The following FAM171A1 variants were observed in gnomAD, a reference collection of about 807,000 sequenced individuals.
The protein encoded by FAM171A1 is family with sequence similarity 171 member A1.
A neutral mutation model predicts 74.9 loss-of-function variants in FAM171A1; 23 were observed. The observed-to-expected ratio is 0.31, with a 90% CI of 0.22 to 0.44. FAM171A1 has a LOEUF of 0.44. FAM171A1 is among the 20% of genes least tolerant of loss of function. The pLI, the probability that FAM171A1 is intolerant of heterozygous loss-of-function variation, is 1.00. For missense variants in FAM171A1, 1,162 were observed against 1,159.2 expected (o/e 1.00, Z -0.03); for synonymous variants, 527 against 505.7 (o/e 1.04, Z -0.57).
At chr10:15,229,609 T>C (rs569530176) in intron 5 of FAM171A1, among the ~76,000 whole-genome samples, 6 of 112,240 alleles carry the variant, frequency 5.3e-5, no homozygotes, top group South Asian at 2.9e-4. Flanking sequence ...ACCATCACCA[T>C]CATCACCATT....
chr10:15,255,289 C>T (rs1035698506), intron 3 of FAM171A1, among the ~76,000 whole-genome samples: 3 of 152,130 alleles, frequency 2.0e-5, no homozygotes, highest in African/African-American at 4.8e-5. Context: ...GCTGCAAACC[C>T]GTCTTTAATC....
chr10:15,230,793 A>G (rs750782446), intron 5 of FAM171A1, among the ~76,000 whole-genome samples: 1 of 152,262 alleles, frequency 6.6e-6, no homozygotes, highest in African/African-American at 2.4e-5. Context: ...AGGATACATA[A>G]TAGCATTAAT....
chr10:15,298,046 CAG>C (rs1379094327), intron 1 of FAM171A1, among the ~76,000 whole-genome samples: 1 of 152,154 alleles, frequency 6.6e-6, no homozygotes, highest in Non-Finnish European at 1.5e-5. Flanking sequence ...GCAAAATTAA[CAG>C]AATCTTCCTA....
intron 1 of FAM171A1, among the ~76,000 whole-genome samples, chr10:15,334,231 T>C (rs181384965): frequency 6.8e-4 from 103 of 152,252 alleles, no homozygotes; most frequent in African/African-American, 2.0e-3. Context: ...AAATGAGAAA[T>C]AGAAAAACAG....
At chr10:15,262,774 T>C (rs181574331) in intron 3 of FAM171A1, among the ~76,000 whole-genome samples, 83 of 152,224 alleles carry the variant, frequency 5.5e-4, no homozygotes, top group African/African-American at 2.0e-3. Context: ...AGGCTCAGCA[T>C]AAATCCAGGG....
At chr10:15,264,262 G>A (rs1326890555) in intron 3 of FAM171A1, among the ~76,000 whole-genome samples, 5 of 152,192 alleles carry the variant, frequency 3.3e-5, no homozygotes, top group Non-Finnish European at 7.3e-5. Context: ...GATTACAGGT[G>A]TGAGCCACTG....
intron 1 of FAM171A1, among the ~76,000 whole-genome samples, chr10:15,360,956 A>G (rs1437244875): frequency 6.6e-6 from 1 of 152,164 alleles, no homozygotes; most frequent in Admixed American, 6.5e-5. Context: ...AACCCATTCT[A>G]TGCTGCAACT....
At chr10:15,273,349 T>C (rs2131796741) in intron 3 of FAM171A1, among the ~76,000 whole-genome samples, 1 of 152,266 alleles carries the variant, frequency 6.6e-6, no homozygotes, top group Admixed American at 6.5e-5. Flanking sequence ...CACGAAGAAG[T>C]TGAATCCCTG....
chr10:15,271,318 GAA>G (rs1834822130), intron 3 of FAM171A1, among the ~76,000 whole-genome samples: 1 of 152,142 alleles, frequency 6.6e-6, no homozygotes, highest in Non-Finnish European at 1.5e-5. Flanking sequence ...AATAAAGCGA[GAA>G]GAGAAGTTTA....
chr10:15,238,220 T>A (rs144956216), intron 5 of FAM171A1, among the ~76,000 whole-genome samples: 1 of 152,214 alleles, frequency 6.6e-6, no homozygotes, highest in Non-Finnish European at 1.5e-5. Context: ...TGGCTTGTGA[T>A]ATATAGAGAC....
Position 15,279,616 on chromosome 10 carries a change from T to C in FAM171A1, c.326-3669A>G, listed in dbSNP as rs1434313481. The stretch of plus-strand genomic sequence containing the variant: ...CGCAGAAAACAGTCCAGCTGGGCTT[T>C]ATGGGATAAAAGAAGTTTGCCGGCC... On this transcript the variant is annotated intron_variant, in intron 2 of 7. Transcript: ENST00000378116. 3.9e-5 allele frequency among the ~76,000 whole-genome samples: 6 copies of C among 152,132 alleles called. No individual in the cohort carries two copies. In the East Asian group the frequency reaches 1.2e-3, roughly 29 times the overall value.
At chr10:15,278,271 G>A (rs530042657) in intron 2 of FAM171A1, among the ~76,000 whole-genome samples, 27 of 152,206 alleles carry the variant, frequency 1.8e-4, no homozygotes, top group Admixed American at 2.6e-4. Context: ...GTAGCTGTAC[G>A]ACACGCAGAA....
intron 1 of FAM171A1, among the ~76,000 whole-genome samples, chr10:15,364,335 C>G (rs1376157287): frequency 6.6e-6 from 1 of 152,130 alleles, no homozygotes; most frequent in Admixed American, 6.5e-5. Context: ...CCTTCCTCAT[C>G]TGGAAGGAAA....
intron 5 of FAM171A1, among the ~76,000 whole-genome samples, chr10:15,234,652 C>T (rs1426440325): frequency 6.8e-6 from 1 of 146,744 alleles, no homozygotes; most frequent in Non-Finnish European, 1.5e-5. Flanking sequence ...ATCAGATGTA[C>T]TTTTCTTTTT....
chr10:15,311,832 C>A (rs915961138), intron 1 of FAM171A1, among the ~76,000 whole-genome samples: 2 of 152,230 alleles, frequency 1.3e-5, no homozygotes, highest in Non-Finnish European at 2.9e-5. Flanking sequence ...TATTTTCTCT[C>A]ATTCACAGTC....
rs1833944530 is a variant in FAM171A1, at chr10:15,214,618, A to G, written c.987-17T>C. The G allele has an allele frequency of 6.5e-7, 1 of 1,543,616 alleles. No individual in the cohort carries two copies. The highest frequency in any genetic ancestry group is 8.7e-7 in the Non-Finnish European group (1 of 1,148,458). On this transcript the variant is annotated splice_polypyrimidine_tract_variant and intron_variant, in intron 7 of 7. Transcript: ENST00000378116. ...CACTTCCTCCTGCGCCCAAAGACACAATCCAAAGCCAAAGATTAGTGATTC... is the reference window on the plus strand; with the variant it reads ...CACTTCCTCCTGCGCCCAAAGACACGATCCAAAGCCAAAGATTAGTGATTC...
chr10:15,326,709 C>G (rs915203020), intron 1 of FAM171A1, among the ~76,000 whole-genome samples: 1 of 152,000 alleles, frequency 6.6e-6, no homozygotes, highest in African/African-American at 2.4e-5. Flanking sequence ...CTCACTGCAG[C>G]CTCTGTCCCC....
Position 15,299,701 on chromosome 10 carries a change from C to T in FAM171A1, c.98-15596G>A, listed in dbSNP as rs369955067. The stretch of plus-strand genomic sequence containing the variant: ...ATTTTAGAATTAAAAAAAAATGGGC[C>T]GGGTGCGGTGGCTCATGCCTCTAAT... On this transcript the variant is annotated intron_variant, in intron 1 of 7. Transcript: ENST00000378116. 1.6e-4 allele frequency among the ~76,000 whole-genome samples: 24 copies of T among 151,966 alleles called. No individual in the cohort carries two copies. The East Asian group carries it at 4.1e-3, about 26-fold the overall frequency.
intron 1 of FAM171A1, among the ~76,000 whole-genome samples, chr10:15,324,420 A>G (rs1835525124): frequency 6.6e-6 from 1 of 152,222 alleles, no homozygotes; most frequent in African/African-American, 2.4e-5. Context: ...TTCTTTATGT[A>G]CTGTAACCAA....
Sources: gnomAD v4.1 joint callset for allele counts (sites outside exome capture counted in the v4.1 genomes callset) on GRCh38, gnomAD v4.1.1 for gene constraint, MANE v1.5 for transcripts, NCBI Gene and HGNC (gene_info 2026-07-23, HGNC 2026-07-21) for gene names.